DMD: variants seen among roughly 807,000 people sequenced by gnomAD.
DMD encodes mutant dystrophin.
In DMD, 63 loss-of-function variants were observed where a neutral mutation model predicts 330.1. The observed-to-expected ratio is 0.19, with a 90% confidence interval of 0.16 to 0.24. The LOEUF is 0.24. DMD is among the 10% of genes least tolerant of loss of function. DMD has a pLI of 1.00. For missense variants in DMD, 3,344 were observed against 2,684.1 expected (o/e 1.25, Z -5.43); for synonymous variants, 1,223 against 959.8 (o/e 1.27, Z -5.07).
chrX:32,736,770 G>T (rs751469091), intron 7 of DMD, among the ~76,000 whole-genome samples: 1 of 92,755 alleles, frequency 1.1e-5, no homozygotes, highest in East Asian at 3.9e-4. Context: ...CTGTGGTGGG[G>T]TGGGGGGAGG....
In DMD at chrX:31,179,175, T is replaced by G. The variant is rs139390287; in HGVS notation, c.10087-370A>C. Among the ~76,000 whole-genome samples, 16 of 112,881 alleles carry G rather than the reference T, an allele frequency of 1.4e-4. No homozygotes were observed. The East Asian group carries it at 3.3e-3, about 24-fold the overall frequency. On this transcript the variant is annotated intron_variant, in intron 69 of 78. Transcript: ENST00000357033. ...CCACACTTTATGGTATTTTAAAAAC[T>G]ACTTAGTACAAAATGATAGCATGCT...
At chrX:32,975,346 C>CTTTTT (rs35180404) in intron 2 of DMD, among the ~76,000 whole-genome samples, 7 of 64,773 alleles carry the variant, frequency 1.1e-4, no homozygotes, top group Non-Finnish European at 1.4e-4. Context: ...TTAAAAAATG[C>CTTTTT]TTTTTTTTTT....
chrX:32,752,493 T>C (rs747807928), intron 7 of DMD, among the ~76,000 whole-genome samples: 4 of 108,114 alleles, frequency 3.7e-5, no homozygotes, highest in African/African-American at 1.4e-4. Flanking sequence ...ATCTAGGAAG[T>C]AACTAATCTG....
chrX:33,251,386 C>T (rs1369393293), intron 1 of DMD, among the ~76,000 whole-genome samples: 1 of 111,424 alleles, frequency 9.0e-6, no homozygotes, highest in Non-Finnish European at 1.9e-5. Flanking sequence ...CAATTCCATT[C>T]GGGTATCAAG....
intron 50 of DMD, among the ~76,000 whole-genome samples, chrX:31,783,655 C>T (rs780731336): frequency 7.0e-4 from 78 of 110,803 alleles, no homozygotes; most frequent in Non-Finnish European, 1.3e-3. Flanking sequence ...AGTGTAATCT[C>T]GTTCTCTCTC....
chrX:32,849,047 G>A (rs1056969857), intron 3 of DMD, among the ~76,000 whole-genome samples: 7 of 111,243 alleles, frequency 6.3e-5, no homozygotes, highest in Non-Finnish European at 1.1e-4. Flanking sequence ...GATAAGAGAC[G>A]AAGGCTATGA....
chrX:31,124,777 T>C (rs1475071062), intron 78 of DMD, among the ~76,000 whole-genome samples: 1 of 112,064 alleles, frequency 8.9e-6, no homozygotes, highest in Non-Finnish European at 1.9e-5. Flanking sequence ...TCCACAGCGA[T>C]TGGAATTGAG....
At position 32,759,865 on chromosome X, in the gene DMD, G is replaced by GAA. The variant is rs1569512123; in HGVS notation, c.649+49626_649+49627dup. On this transcript the variant is annotated intron_variant, in intron 7 of 78. Transcript: ENST00000357033. ...TCTTGGGGGGGGGGGGGGGGCGGGG[G>GAA]AAGACCCAGGCAGGCCCATGTGATA... Among the ~76,000 whole-genome samples the GAA allele has an allele frequency of 3.0e-3, 224 of 75,757 alleles. 6 individuals are homozygous for GAA. Among genetic ancestry groups the GAA allele is most frequent in the African/African-American group, 0.011 (214 of 18,948 alleles). 65.8% of individuals were successfully genotyped at this position (75,757 alleles called of 115,157 possible). A position where few individuals can be genotyped will look rare whatever the true frequency, so the allele number is the denominator to read the frequency against.
intron 9 of DMD, among the ~76,000 whole-genome samples, chrX:32,654,733 C>T (rs900381084): frequency 5.4e-5 from 6 of 111,817 alleles, no homozygotes; most frequent in South Asian, 7.4e-4. Context: ...ATGGTACCAG[C>T]TCTTCCTTGT....
At chrX:32,060,013 T>A (rs1449108661) in intron 44 of DMD, among the ~76,000 whole-genome samples, 1 of 111,366 alleles carries the variant, frequency 9.0e-6, no homozygotes, top group East Asian at 2.8e-4. Context: ...TTGTTATTTG[T>A]CTTCAATTTA....
Position 32,501,850 on chromosome X carries a change from A to G in DMD, c.2293-8T>C, listed in dbSNP as rs377050013. ...TTTTTCTCGCTCTATGGCCTGCAGC[A>G]TGAGAGCAAAGATGAGTAATTCAAT... is the stretch of plus-strand genomic sequence containing the variant. On this transcript the variant is annotated splice_polypyrimidine_tract_variant and splice_region_variant and intron_variant, in intron 18 of 78. Transcript: ENST00000357033. 7.9e-5 allele frequency: 92 copies of G among 1,169,962 alleles called. No homozygotes were observed. Among genetic ancestry groups the G allele is most frequent in the Non-Finnish European group, 9.9e-5 (85 of 862,171 alleles).
intron 2 of DMD, among the ~76,000 whole-genome samples, chrX:32,879,483 A>G (rs2083699085): frequency 8.9e-6 from 1 of 112,430 alleles, no homozygotes. Context: ...ATTATTGAAT[A>G]AAGATCACCA....
At chrX:32,462,600 G>T (rs765663144) in intron 25 of DMD, among the ~76,000 whole-genome samples, 16 of 104,748 alleles carry the variant, frequency 1.5e-4, no homozygotes, top group Non-Finnish European at 2.3e-4. Flanking sequence ...CAGTCATTTT[G>T]TGTGTGTTTT....
intron 62 of DMD, among the ~76,000 whole-genome samples, chrX:31,275,906 ATGTACATATTTATACTG>A (rs2052073022): frequency 8.9e-6 from 1 of 112,275 alleles, no homozygotes; most frequent in South Asian, 3.7e-4. Flanking sequence ...TGTATATACT[ATGTACATATTTATACTG>A]TGCATTGTTC....
chrX:31,668,745 T>A (rs1191261585), intron 53 of DMD, among the ~76,000 whole-genome samples: 1 of 111,422 alleles, frequency 9.0e-6, no homozygotes, highest in Non-Finnish European at 1.9e-5. Flanking sequence ...CCCCTTTTGA[T>A]CAACATCTCC....
At chrX:32,742,533 C>T (rs951419589) in intron 7 of DMD, among the ~76,000 whole-genome samples, 13 of 111,506 alleles carry the variant, frequency 1.2e-4, no homozygotes, top group African/African-American at 6.5e-5. Context: ...AGCTGCTGGG[C>T]AAGGCCGAAG....
intron 18 of DMD, among the ~76,000 whole-genome samples, chrX:32,507,604 A>T (rs1163203250): frequency 9.0e-6 from 1 of 111,684 alleles, no homozygotes; most frequent in Non-Finnish European, 1.9e-5. Context: ...CACAACTACA[A>T]CAAAAACAAT....
At chrX:33,218,410 T>C (rs779181286) in intron 1 of DMD, among the ~76,000 whole-genome samples, 2 of 111,635 alleles carry the variant, frequency 1.8e-5, no homozygotes, top group African/African-American at 6.5e-5. Context: ...TCTCCTTTCA[T>C]CACTTGAAAA....
At position 32,064,991 on chromosome X, in the gene DMD, T is replaced by A. The variant is rs151192889; in HGVS notation, c.6439-96477A>T. Among the ~76,000 whole-genome samples the A allele has an allele frequency of 2.8e-3, 315 of 111,601 alleles. 6 individuals are homozygous for A. In the East Asian group the frequency reaches 0.071, roughly 25 times the overall value. On this transcript the variant is annotated intron_variant, in intron 44 of 78. Coordinates refer to ENST00000357033, the MANE Select transcript of DMD (RefSeq NM_004006.3). ...AACTGATGTCAGCCCGTGCTGATAA[T>A]CAGAGGACCTTCAATTAAGTACCTA...
Sources: gnomAD v4.1 joint callset for allele counts (sites outside exome capture counted in the v4.1 genomes callset) on GRCh38, gnomAD v4.1.1 for gene constraint, MANE v1.5 for transcripts, NCBI Gene and HGNC (gene_info 2026-07-23, HGNC 2026-07-21) for gene names.